Variants in MED27 observed in about 807,000 individuals in gnomAD.
MED27 encodes the protein mediator of RNA polymerase II transcription subunit 27.
In MED27, 30 loss-of-function variants were observed where a neutral mutation model predicts 38.2. That is an observed-to-expected ratio of 0.79 (90% CI 0.59 to 1.07). The LOEUF (loss-of-function observed/expected upper bound fraction) is 1.07, where lower values mean the gene tolerates loss of function less well. Among genes scored for constraint, MED27 ranks in the 50% least tolerant of loss-of-function variants. The probability of loss-of-function intolerance (pLI) is 0.00; values close to 1 mark genes in which losing one functional copy is unlikely to be tolerated. For missense variants in MED27, 289 were observed against 397.5 expected, an observed-to-expected ratio of 0.73 and a Z score of 2.32; for synonymous variants, 122 against 153.5, an observed-to-expected ratio of 0.79 and a Z score of 1.52.
chr9:132,072,786 C>G (rs1833969920), intron 2 of MED27, among the ~76,000 whole-genome samples: 1 of 152,084 alleles, frequency 6.6e-6, no homozygotes, highest in Non-Finnish European at 1.5e-5. Context: ...GTGATTTTCT[C>G]TCCTATTATA....
At chr9:132,063,033 T>C (rs1833733624) in intron 2 of MED27, among the ~76,000 whole-genome samples, 2 of 152,168 alleles carry the variant, frequency 1.3e-5, no homozygotes, top group South Asian at 4.1e-4. Flanking sequence ...GAGGAAGCTG[T>C]TGCAAGTGTC....
rs1833419838 is a variant in MED27 at position 132,049,736 on chromosome 9, C to T, written c.348+27706G>A. 2.0e-5 allele frequency among the ~76,000 whole-genome samples: 3 copies of T among 152,182 alleles called. No individual in the cohort carries two copies. In the South Asian group the frequency reaches 6.2e-4, roughly 31 times the overall value. ...AATGTGAGCACTCCGAAGCTGCACACTTAATCTCTGGCCCACCAACTGTCT... is the reference window on the plus strand; with the variant it reads ...AATGTGAGCACTCCGAAGCTGCACATTTAATCTCTGGCCCACCAACTGTCT... On this transcript the variant is annotated intron_variant, in intron 2 of 7. Transcript: ENST00000292035.
intron 2 of MED27, among the ~76,000 whole-genome samples, chr9:132,039,209 G>A (rs965292171): frequency 2.0e-5 from 3 of 152,124 alleles, no homozygotes; most frequent in Non-Finnish European, 4.4e-5. Flanking sequence ...GAGATTTGCC[G>A]TACAGTTTAA....
intron 2 of MED27, among the ~76,000 whole-genome samples, chr9:132,071,975 G>C (rs1458095088): frequency 6.6e-6 from 1 of 151,024 alleles, no homozygotes; most frequent in African/African-American, 2.4e-5. Flanking sequence ...TGAGTACACA[G>C]GCACAGAAGT....
rs12001883 is a variant in MED27, at chr9:132,052,206, A to G, written c.348+25236T>C. Among the ~76,000 whole-genome samples, 833 of 152,262 alleles carry G rather than the reference A, an allele frequency of 5.5e-3. 13 individuals carry two copies. Among genetic ancestry groups the G allele is most frequent in the African/African-American group, 0.019 (778 of 41,532 alleles). On this transcript the variant is annotated intron_variant, in intron 2 of 7. Coordinates refer to ENST00000292035, the MANE Select transcript of MED27 (RefSeq NM_004269.4). The stretch of plus-strand genomic sequence containing the variant: ...CCTCAAGACAACTTCATTCTTGTAC[A>G]TTTCCTTTAAGAGGGGTCAGTTATT...
intron 3 of MED27, among the ~76,000 whole-genome samples, chr9:131,964,822 T>C (rs560626787): frequency 1.8e-4 from 28 of 152,222 alleles, no homozygotes; most frequent in Non-Finnish European, 3.8e-4. Context: ...TATTTTAAGC[T>C]TTCCCATGGT....
intron 6 of MED27, among the ~76,000 whole-genome samples, chr9:131,864,920 G>A (rs1280217060): frequency 6.6e-6 from 1 of 152,202 alleles, no homozygotes; most frequent in African/African-American, 2.4e-5. Context: ...CACCAGCCCC[G>A]CCTGCCCAGT....
chr9:132,061,441 G>A (rs560132577), intron 2 of MED27, among the ~76,000 whole-genome samples: 1 of 152,246 alleles, frequency 6.6e-6, no homozygotes, highest in African/African-American at 2.4e-5. Flanking sequence ...TAGCTGGTAA[G>A]TGAAGTTGAT....
chr9:131,860,493 T>G lies in MED27; in HGVS notation c.*45A>C. 1.4e-6 allele frequency: 2 copies of G among 1,470,860 alleles called. No homozygotes were observed. Among genetic ancestry groups the G allele is most frequent in the Non-Finnish European group, 1.8e-6 (2 of 1,112,046 alleles). The allele number at this position is 1,470,860 out of a possible 1,614,324, so 91.1% of individuals were successfully genotyped here. The stretch of plus-strand genomic sequence containing the variant: ...GCCTTCTGTGGGCTTCCTGCGTGTC[T>G]GGGAAGGTGCTGGGTGGGGTCTGAG... On this transcript the variant is annotated 3_prime_UTR_variant, in exon 8 of 8. Coordinates refer to ENST00000292035, the MANE Select transcript of MED27 (RefSeq NM_004269.4). The surrounding 1 kb of genome is among the most constrained non-coding windows in gnomAD (Gnocchi z 5.8).
rs765860217 is a variant in MED27, at chr9:132,077,444, T to G, written c.346A>C (p.Lys116Gln). 6.2e-7 allele frequency: 1 copy of G among 1,613,786 alleles called. No individual in the cohort carries two copies. The highest frequency in any genetic ancestry group is 1.1e-5 in the South Asian group (1 of 90,994). The change falls in exon 2 of 8, where the codon AAG becomes CAG. Residue 116 changes from lysine to glutamine, a missense_variant and splice_region_variant. Transcript: ENST00000292035. Reference protein sequence around the residue: ...QLLQAYKWSNKLQYHAGLASG... With the variant: ...QLLQAYKWSNQLQYHAGLASG... ...TCCGTTTATTACATCTCCCTTACCT[T>G]GTTTGACCACTTATATGCTTGAAGG... is the stretch of plus-strand genomic sequence containing the variant.
At chr9:131,951,465 C>T (rs919110534) in intron 3 of MED27, among the ~76,000 whole-genome samples, 1 of 152,218 alleles carries the variant, frequency 6.6e-6, no homozygotes, top group African/African-American at 2.4e-5. Context: ...GAATCTTGCA[C>T]GTGGACTCCT....
intron 3 of MED27, among the ~76,000 whole-genome samples, chr9:132,000,348 C>A (rs550101062): frequency 6.6e-6 from 1 of 152,112 alleles, no homozygotes; most frequent in Admixed American, 6.5e-5. Flanking sequence ...AAAAGATGGA[C>A]AATGTCAAGT....
chr9:132,070,061 T>G (rs1833902154), intron 2 of MED27, among the ~76,000 whole-genome samples: 1 of 152,222 alleles, frequency 6.6e-6, no homozygotes, highest in South Asian at 2.1e-4. Context: ...GCTACTGTTA[T>G]CCACATTGAA....
rs1160361263 is a variant in MED27, at chr9:131,902,331, AG to A, written c.574-8340del. ...AGCAGGCTCGAGAGCTGCGGCAGCA[AG>A]GGGGATGAGGGAAACTGGCTGTTGC... On this transcript the variant is annotated intron_variant, in intron 4 of 7. Transcript: ENST00000292035. Among the ~76,000 whole-genome samples the A allele has an allele frequency of 1.2e-4, 19 of 152,282 alleles. No homozygotes were observed. The East Asian group carries it at 3.5e-3, about 28-fold the overall frequency.
intron 3 of MED27, among the ~76,000 whole-genome samples, chr9:131,988,316 G>GA (rs1362665941): frequency 3.3e-5 from 5 of 151,852 alleles, no homozygotes; most frequent in African/African-American, 4.8e-5. Context: ...CTTGCCATTT[G>GA]AAAAAATAAA....
intron 4 of MED27, among the ~76,000 whole-genome samples, chr9:131,925,636 T>C (rs1830469830): frequency 6.6e-6 from 1 of 152,228 alleles, no homozygotes; most frequent in African/African-American, 2.4e-5. Flanking sequence ...GAAGATAACA[T>C]ATAATCCCTT....
chr9:131,983,376 T>C (rs966466807), intron 3 of MED27, among the ~76,000 whole-genome samples: 4 of 152,242 alleles, frequency 2.6e-5, no homozygotes, highest in African/African-American at 9.6e-5. Context: ...ATGGCTAACC[T>C]GCCAAGCAAA....
At chr9:132,018,965 T>C (rs1832663925) in intron 2 of MED27, among the ~76,000 whole-genome samples, 1 of 152,178 alleles carries the variant, frequency 6.6e-6, no homozygotes, top group Non-Finnish European at 1.5e-5. Context: ...AAGAATGGCA[T>C]AGAATTAAGT....
chr9:132,029,880 G>A (rs1368298239), intron 2 of MED27, among the ~76,000 whole-genome samples: 1 of 151,968 alleles, frequency 6.6e-6, no homozygotes, highest in African/African-American at 2.4e-5. Flanking sequence ...GTGGGGGCGG[G>A]GGAGGGGAGC....
Sources: gnomAD v4.1 joint callset for allele counts (sites outside exome capture counted in the v4.1 genomes callset) on GRCh38, gnomAD v4.1.1 for gene constraint, Gnocchi (gnomAD v3.1) non-coding constraint, MANE v1.5 for transcripts, NCBI Gene and HGNC (gene_info 2026-07-23, HGNC 2026-07-21) for gene names.